Variants in APIP observed in about 807,000 individuals in gnomAD.
The protein encoded by APIP is methylthioribulose-1-phosphate dehydratase.
A neutral mutation model predicts 32.0 loss-of-function variants in APIP; 32 were observed. The observed-to-expected ratio is 1.00, with a 90% CI of 0.76 to 1.34. APIP has a LOEUF of 1.34. Ranked by LOEUF, APIP falls within the 40% of genes most tolerant of loss-of-function variation. APIP has a pLI of 0.00. For missense variants in APIP, 247 were observed against 298.6 expected (o/e 0.83, Z 1.27); for synonymous variants, 92 against 94.8 (o/e 0.97, Z 0.17).
chr11:34,902,266 TC>T lies in APIP; in HGVS notation c.58-7157del, dbSNP rs535839608. Among the ~76,000 whole-genome samples, 639 of 152,336 alleles carry T rather than the reference TC, an allele frequency of 4.2e-3. 4 individuals carry two copies. The highest frequency in any genetic ancestry group is 4.7e-3 in the Non-Finnish European group (321 of 68,026). On this transcript the variant is annotated intron_variant, in intron 1 of 6. Coordinates refer to ENST00000395787, the MANE Select transcript of APIP (RefSeq NM_015957.4). The stretch of plus-strand genomic sequence containing the variant: ...TGCTGCCTCAGGGATTTTGAGATAG[TC>T]CTCATCTGTTTGGACAGGCACTGTC...
chr11:34,907,264 T>C (rs937023505), intron 1 of APIP, among the ~76,000 whole-genome samples: 1 of 152,216 alleles, frequency 6.6e-6, no homozygotes, highest in African/African-American at 2.4e-5. Flanking sequence ...ATAAGTGATA[T>C]TTTAACTACA....
chr11:34,901,389 A>T (rs1333533882), intron 1 of APIP, among the ~76,000 whole-genome samples: 1 of 95,150 alleles, frequency 1.1e-5, no homozygotes, highest in African/African-American at 2.9e-5. Flanking sequence ...AGCAAGACTG[A>T]TGGGTCCCGG....
At chr11:34,902,055 G>C (rs1853379227) in intron 1 of APIP, among the ~76,000 whole-genome samples, 1 of 152,202 alleles carries the variant, frequency 6.6e-6, no homozygotes, top group Non-Finnish European at 1.5e-5. Context: ...TGAAGCTGTA[G>C]TTCCAATGCA....
chr11:34,910,137 C>T (rs1448834455), intron 1 of APIP, among the ~76,000 whole-genome samples: 3 of 152,208 alleles, frequency 2.0e-5, no homozygotes, highest in African/African-American at 7.2e-5. Context: ...CAAGGCCAGA[C>T]AACAAAGTTG....
chr11:34,898,371 C>T (rs1399221599), intron 1 of APIP, among the ~76,000 whole-genome samples: 1 of 152,128 alleles, frequency 6.6e-6, no homozygotes, highest in African/African-American at 2.4e-5. Flanking sequence ...TTGGGAGTGT[C>T]GGCCGTGTTT....
chr11:34,902,940 A>G (rs900420477), intron 1 of APIP, among the ~76,000 whole-genome samples: 8 of 152,068 alleles, frequency 5.3e-5, no homozygotes, highest in African/African-American at 1.7e-4. Flanking sequence ...CAGTGGCTCT[A>G]CTGGTCCCAG....
intron 5 of APIP, among the ~76,000 whole-genome samples, chr11:34,885,288 T>C (rs1454636174): frequency 5.4e-5 from 8 of 148,962 alleles, no homozygotes; most frequent in South Asian, 2.1e-4. Context: ...TAACTATACA[T>C]ATAAAGGTAT....
intron 1 of APIP, among the ~76,000 whole-genome samples, chr11:34,912,748 G>C (rs2986416): frequency 0.36 from 54,134 of 152,108 alleles, 10,224 homozygotes; most frequent in East Asian, 0.74. Flanking sequence ...TTGGAACTCA[G>C]ACTGGCTCTC....
intron 2 of APIP, among the ~76,000 whole-genome samples, chr11:34,891,534 T>C (rs1321610903): frequency 6.6e-6 from 1 of 152,166 alleles, no homozygotes; most frequent in Non-Finnish European, 1.5e-5. Context: ...CATTTCATAG[T>C]GTAAATGAGG....
chr11:34,905,374 C>T (rs1302219711), intron 1 of APIP, among the ~76,000 whole-genome samples: 1 of 152,192 alleles, frequency 6.6e-6, no homozygotes, highest in African/African-American at 2.4e-5. Context: ...TACAATGACC[C>T]AGAATTCACT....
rs113172366 is a variant in APIP, at chr11:34,894,567, T to G, written c.158+443A>C. On this transcript the variant is annotated intron_variant, in intron 2 of 6. Transcript: ENST00000395787. ...AGGAGGATGAGGTAGGAGGATTGTT[T>G]AAGCCTGGGAAGTCAAGGCTGCAGT... 5.4e-3 allele frequency among the ~76,000 whole-genome samples: 823 copies of G among 151,996 alleles called. 12 individuals carry two copies. The highest frequency in any genetic ancestry group is 0.019 in the African/African-American group (789 of 41,434).
At chr11:34,912,291 G>A (rs1001523375) in intron 1 of APIP, among the ~76,000 whole-genome samples, 3 of 152,162 alleles carry the variant, frequency 2.0e-5, no homozygotes, top group African/African-American at 7.2e-5. Context: ...GTTCAGAAAA[G>A]ATATATAATA....
chr11:34,906,623 C>T lies in APIP; in HGVS notation c.57+9605G>A, dbSNP rs538796532. On this transcript the variant is annotated intron_variant, in intron 1 of 6. Coordinates refer to ENST00000395787, the MANE Select transcript of APIP (RefSeq NM_015957.4). Reference sequence around the variant, plus strand: ...CACCACAGTAGCAGCACAGAATAGACGGGGCTTAGACGTCCTCACAGCTGA... The same window carrying T: ...CACCACAGTAGCAGCACAGAATAGATGGGGCTTAGACGTCCTCACAGCTGA... Among the ~76,000 whole-genome samples, 257 of 152,290 alleles carry T rather than the reference C, an allele frequency of 1.7e-3. 1 individual carries two copies. The highest frequency in any genetic ancestry group is 5.9e-3 in the African/African-American group (244 of 41,570).
chr11:34,893,989 C>A (rs1183551948), intron 2 of APIP, among the ~76,000 whole-genome samples: 1 of 152,188 alleles, frequency 6.6e-6, no homozygotes, highest in Non-Finnish European at 1.5e-5. Context: ...ATTTAACACA[C>A]AACCTCCAGA....
intron 3 of APIP, among the ~76,000 whole-genome samples, chr11:34,890,243 T>C (rs1853162950): frequency 6.6e-6 from 1 of 152,156 alleles, no homozygotes. Flanking sequence ...TGCAAAGTTA[T>C]AATTGCTCTT....
chr11:34,913,545 C>T (rs997510594), intron 1 of APIP, among the ~76,000 whole-genome samples: 4 of 152,184 alleles, frequency 2.6e-5, no homozygotes, highest in Non-Finnish European at 4.4e-5. Context: ...CATGGTCTCG[C>T]TGACTTCAGG....
rs764401520 is a variant in APIP at position 34,890,535 on chromosome 11, G to A, written c.176C>T (p.Ala59Val). ...TCGTTCCTTTTGCACTCCTGAAGGA[G>A]CAATGTAGATTTCATCGCTGGCAAC... The part of the protein sequence containing the change: ...SLKHGDEIYI[A>V]PSGVQKERIQ... The change falls in exon 3 of 7, where the codon GCT becomes GTT. Residue 59 changes from alanine to valine, a missense_variant. Transcript: ENST00000395787. 1 of 1,610,012 alleles carries A rather than the reference G, an allele frequency of 6.2e-7. No individual in the cohort carries two copies. The highest frequency in any genetic ancestry group is 2.2e-5 in the East Asian group (1 of 44,690).
chr11:34,893,336 G>A (rs996552881), intron 2 of APIP, among the ~76,000 whole-genome samples: 2 of 151,924 alleles, frequency 1.3e-5, no homozygotes, highest in African/African-American at 4.8e-5. Context: ...TTGGTAGAAA[G>A]CTTTATTTTA....
At chr11:34,888,462 G>GTT (rs1321942522) in intron 4 of APIP, 34 bp from the exon 5 acceptor site, 1 of 1,596,354 alleles carries the variant, frequency 6.3e-7, no homozygotes, top group Non-Finnish European at 8.5e-7. Context: ...CATGCTCAAT[G>GTT]AAGACTGAAT....
Sources: gnomAD v4.1 joint callset for allele counts (sites outside exome capture counted in the v4.1 genomes callset) on GRCh38, gnomAD v4.1.1 for gene constraint, MANE v1.5 for transcripts, NCBI Gene and HGNC (gene_info 2026-07-23, HGNC 2026-07-21) for gene names.